The following TNRC18 variants were observed in gnomAD, a reference collection of about 807,000 sequenced individuals.
TNRC18 encodes trinucleotide repeat containing 18.
Under a neutral mutation model 226.7 loss-of-function variants are expected in TNRC18, and 69 were observed. The observed-to-expected ratio is 0.30, with a 90% CI of 0.25 to 0.37. The LOEUF (loss-of-function observed/expected upper bound fraction) is 0.37. TNRC18 is among the 10% of genes least tolerant of loss of function. TNRC18 has a pLI of 1.00. For missense variants in TNRC18, 4,754 were observed against 4,256.6 expected (o/e 1.12, Z -3.25); for synonymous variants, 2,449 against 1,927.6 (o/e 1.27, Z -7.09).
chr7:5,419,534 C>A (rs1455346979), intron 2 of TNRC18, among the ~76,000 whole-genome samples: 1 of 151,934 alleles, frequency 6.6e-6, no homozygotes, highest in Non-Finnish European at 1.5e-5. Flanking sequence ...GTCTCTGTAC[C>A]CCAGGGCCGC....
chr7:5,389,471 T>TTTTTGTTTTTTTTTTTTC (rs549108764), intron 4 of TNRC18, 135 bp from the exon 5 acceptor site: 1 of 831,196 alleles, frequency 1.2e-6, no homozygotes, highest in African/African-American at 2.0e-5. Flanking sequence ...GTTTTTTTTT[T>TTTTTGTTTTTTTTTTTTC]CAGAAAGAGT....
chr7:5,419,795 C>T (rs1255158177), intron 2 of TNRC18: 1 of 152,136 alleles, frequency 6.6e-6, no homozygotes, highest in Non-Finnish European at 1.5e-5. Flanking sequence ...CCGCCGAGCC[C>T]CCGGGACTCC....
chr7:5,388,987 C>T lies in TNRC18; in HGVS notation c.837G>A (p.Ser279=). The T allele has an allele frequency of 7.3e-7, 1 of 1,374,392 alleles. No individual in the cohort carries two copies. Among genetic ancestry groups the T allele is most frequent in the Non-Finnish European group, 9.5e-7 (1 of 1,056,812 alleles). 85.1% of individuals were successfully genotyped at this position (1,374,392 alleles called of 1,614,324 possible). A position where few individuals can be genotyped will look rare whatever the true frequency, so the allele number is the denominator to read the frequency against. The change falls in exon 5 of 30, where the codon TCG becomes TCA. Residue 279 remains serine (S), a synonymous_variant. Transcript: ENST00000430969. The part of the protein sequence containing the change: ...SKTKNAALQP[S]VLTMCNGGAG... ...CGCCGCCGTTGCACATGGTCAGTACCGACGGCTGCAGCGCCGCATTCTTGG... is the reference window on the plus strand; with the variant it reads ...CGCCGCCGTTGCACATGGTCAGTACTGACGGCTGCAGCGCCGCATTCTTGG...
intron 17 of TNRC18, among the ~76,000 whole-genome samples, 168 bp downstream of exon 17, chr7:5,351,651 C>T (rs1424122580): frequency 6.6e-6 from 1 of 152,242 alleles, no homozygotes; most frequent in Admixed American, 6.5e-5. Flanking sequence ...CGGCTGATAA[C>T]AGCAGGCTAC....
rs374599254 is a variant in TNRC18 at position 5,374,128 on chromosome 7, G to A, written c.3156C>T (p.Pro1052=). Residue 1052 remains proline, a synonymous_variant, in exon 10 of 30, where the codon CCC becomes CCT. Coordinates refer to ENST00000430969, the MANE Select transcript of TNRC18 (RefSeq NM_001080495.3). The stretch of plus-strand genomic sequence containing the variant: ...AGTCTTTCTTCTCGACCACATTCTC[G>A]GGAGCCTCCTCCTTGCGGGTGATAC... ...TPGITRKEEA[P]ENVVEKKDLE... is the part of the protein sequence containing the mutation. 3.0e-5 allele frequency: 47 copies of A among 1,567,650 alleles called. No individual in the cohort carries two copies. The highest frequency in any genetic ancestry group is 5.5e-5 in the Admixed American group (3 of 54,932).
chr7:5,394,294 G>T lies in TNRC18; in HGVS notation c.343+146C>A. The T allele has an allele frequency of 1.4e-6, 1 of 691,584 alleles. No homozygotes were observed. The highest frequency in any genetic ancestry group is 2.3e-6 in the Non-Finnish European group (1 of 438,232). 42.8% of individuals were successfully genotyped at this position (691,584 alleles called of 1,614,324 possible). A position where few individuals can be genotyped will look rare whatever the true frequency, so the allele number is the denominator to read the frequency against. On this transcript the variant is annotated intron_variant, in intron 3 of 29. Coordinates refer to ENST00000430969, the MANE Select transcript of TNRC18 (RefSeq NM_001080495.3). The surrounding 1 kb of genome is among the most constrained non-coding windows in gnomAD (Gnocchi z 4.5). ...TGACAGTGACAAGAAGAAGCCCTGAGCGTTTGAGAAACAACAGGGAAGCCA... is the reference window on the plus strand; with the variant it reads ...TGACAGTGACAAGAAGAAGCCCTGATCGTTTGAGAAACAACAGGGAAGCCA...
chr7:5,360,303 C>T (rs1455678799), intron 14 of TNRC18, among the ~76,000 whole-genome samples: 1 of 152,002 alleles, frequency 6.6e-6, no homozygotes, highest in East Asian at 1.9e-4. Context: ...GATTTCAGCT[C>T]ACTGCAACCT....
rs764968026 is a variant in TNRC18, at chr7:5,376,181, G to A, written c.2652C>T (p.Ala884=). 5.1e-6 allele frequency: 8 copies of A among 1,562,622 alleles called. No individual in the cohort carries two copies. Among genetic ancestry groups the A allele is most frequent in the Non-Finnish European group, 6.9e-6 (8 of 1,155,774 alleles). ...GGGGGCTGCGGCCCGGCGGGTACAG[G>A]GCGGGCCAGAGGGGCGGTACGGTGG... ...ERATVPPLWP[A]LYPPGRSPLH... The change falls in exon 9 of 30, where the codon GCC becomes GCT. Residue 884 remains alanine, a synonymous_variant. Transcript: ENST00000430969.
At chr7:5,336,805 G>A (rs1273721210) in intron 18 of TNRC18, among the ~76,000 whole-genome samples, 8 of 152,140 alleles carry the variant, frequency 5.3e-5, no homozygotes, top group African/African-American at 1.9e-4. Flanking sequence ...TCCATGGAGG[G>A]GATCTAAGAG....
At position 5,357,588 on chromosome 7, in the gene TNRC18, C is replaced by G. The variant is rs190525476; in HGVS notation, c.4834-312G>C. On this transcript the variant is annotated intron_variant, in intron 15 of 29. Transcript: ENST00000430969. ...CAGCCTCGACCTCTGGGCTCTGTGACCCTCCCGCCTCAGCTTTTCTGGTAG... is the reference window on the plus strand; with the variant it reads ...CAGCCTCGACCTCTGGGCTCTGTGAGCCTCCCGCCTCAGCTTTTCTGGTAG... 6.5e-3 allele frequency among the ~76,000 whole-genome samples: 995 copies of G among 152,212 alleles called. 35 individuals are homozygous for G. The highest frequency in any genetic ancestry group is 0.06 in the Admixed American group (912 of 15,270).
Position 5,381,893 on chromosome 7 carries a change from G to A in TNRC18, c.2153-3869C>T, listed in dbSNP as rs146365353. On this transcript the variant is annotated intron_variant, in intron 5 of 29. Coordinates refer to ENST00000430969, the MANE Select transcript of TNRC18 (RefSeq NM_001080495.3). Reference sequence around the variant, plus strand: ...AGGCAGGAGAATCACTTGAACCCGGGAGGCGGAGGTTGCAGTGAGCCAAGA... The same window carrying A: ...AGGCAGGAGAATCACTTGAACCCGGAAGGCGGAGGTTGCAGTGAGCCAAGA... Among the ~76,000 whole-genome samples, 1,091 of 152,302 alleles carry A rather than the reference G, an allele frequency of 7.2e-3. 68 individuals are homozygous for A. The East Asian group carries it at 0.14, about 20-fold the overall frequency.
intron 18 of TNRC18, among the ~76,000 whole-genome samples, chr7:5,340,741 T>G: frequency 1.6e-5 from 1 of 64,194 alleles, no homozygotes; most frequent in East Asian, 5.7e-4. Context: ...AGACTCCATC[T>G]CAGAGAAAAA....
chr7:5,342,467 C>T (rs1790783419), intron 18 of TNRC18, among the ~76,000 whole-genome samples: 1 of 151,952 alleles, frequency 6.6e-6, no homozygotes, highest in Admixed American at 6.6e-5. Flanking sequence ...TGATTCCAAC[C>T]CTCGCGGACA....
intron 19 of TNRC18, among the ~76,000 whole-genome samples, chr7:5,326,431 G>A (rs56201904): frequency 0.082 from 12,497 of 152,000 alleles, 629 homozygotes; most frequent in Non-Finnish European, 0.11. Context: ...GGCTGCCTCC[G>A]TTTTTTCACT....
intron 21 of TNRC18, among the ~76,000 whole-genome samples, chr7:5,323,931 T>C (rs1583770902): frequency 6.6e-6 from 1 of 152,286 alleles, no homozygotes; most frequent in South Asian, 2.1e-4. Flanking sequence ...TCAGAAAGCT[T>C]CGCATTTTCC....
intron 2 of TNRC18, among the ~76,000 whole-genome samples, chr7:5,396,468 A>C (rs1780699343): frequency 1.3e-5 from 2 of 152,150 alleles, no homozygotes; most frequent in African/African-American, 2.4e-5. Context: ...GACTGCAGTG[A>C]GCTGTGACTG....
intron 5 of TNRC18, among the ~76,000 whole-genome samples, chr7:5,385,458 G>C (rs1321427407): frequency 7.7e-6 from 1 of 129,858 alleles, no homozygotes; most frequent in African/African-American, 2.8e-5. Flanking sequence ...ACTGCAGTCC[G>C]CAGTCCGGCC....
chr7:5,321,211 G>A (rs1164631738), intron 21 of TNRC18, 21 bp from the exon 22 acceptor site: 3 of 1,517,062 alleles, frequency 2.0e-6, no homozygotes, highest in Admixed American at 4.0e-5. Context: ...TGGATCGTGA[G>A]GCGAGGCTGG....
intron 11 of TNRC18, among the ~76,000 whole-genome samples, chr7:5,366,826 C>T (rs1300131482): frequency 6.6e-6 from 1 of 152,216 alleles, no homozygotes; most frequent in Non-Finnish European, 1.5e-5. Flanking sequence ...ACTCTGTCAC[C>T]TCCTTCACCC....
Sources: allele counts gnomAD v4.1 joint callset (sites outside exome capture counted in the v4.1 genomes callset), GRCh38; gene constraint gnomAD v4.1.1; non-coding constraint Gnocchi (gnomAD v3.1); transcripts MANE v1.5; gene names NCBI Gene and HGNC (gene_info 2026-07-23, HGNC 2026-07-21).